Variants in LGSN observed in about 807,000 individuals in gnomAD.
LGSN encodes the protein lengsin, lens protein with glutamine synthetase domain.
A neutral mutation model predicts 19.5 loss-of-function variants in LGSN; 21 were observed. That is an observed-to-expected ratio of 1.07 (90% CI 0.76 to 1.55). The LOEUF (loss-of-function observed/expected upper bound fraction) is 1.55, where lower values mean the gene tolerates loss of function less well. Among genes scored for constraint, LGSN ranks in the 40% most tolerant of loss-of-function variants. The probability of loss-of-function intolerance (pLI) is 0.00; values close to 1 mark genes in which losing one functional copy is unlikely to be tolerated. For missense variants in LGSN, 673 were observed against 608.5 expected, an observed-to-expected ratio of 1.11 and a Z score of -1.12; for synonymous variants, 257 against 215.6, an observed-to-expected ratio of 1.19 and a Z score of -1.68.
At chr6:63,555,746 T>C in the LGSN span, among the ~76,000 whole-genome samples, 2 of 148,904 alleles carry the variant, frequency 1.3e-5, no homozygotes, top group African/African-American at 5.0e-5. Context: ...CAGCCTGGAG[T>C]GCAATGGCGT....
chr6:63,315,616 CTCTGTGTG>C (rs1161377411), intron 1 of LGSN, among the ~76,000 whole-genome samples: 26 of 114,680 alleles, frequency 2.3e-4, no homozygotes, highest in Non-Finnish European at 4.2e-4. Flanking sequence ...CTCTCTCTCT[CTCTGTGTG>C]TGTGTGTGTG....
the LGSN span, among the ~76,000 whole-genome samples, chr6:63,393,714 C>G: frequency 2.0e-5 from 3 of 152,280 alleles, no homozygotes; most frequent in East Asian, 5.8e-4. Context: ...CAGAAGTCCC[C>G]TCTCTCTCAA....
intron 1 of LGSN, among the ~76,000 whole-genome samples, chr6:63,301,266 G>C (rs1582038003): frequency 6.6e-6 from 1 of 152,010 alleles, no homozygotes; most frequent in African/African-American, 2.4e-5. Context: ...ACTTCAGCCT[G>C]GGTGACAGAA....
the LGSN span, among the ~76,000 whole-genome samples, chr6:63,522,862 CTTTTTTTTTTT>C: frequency 7.9e-6 from 1 of 126,432 alleles, no homozygotes; most frequent in Non-Finnish European, 1.7e-5. Flanking sequence ...GACTAAATCA[CTTTTTTTTTTT>C]TTTTTTTTTG....
the LGSN span, among the ~76,000 whole-genome samples, chr6:63,415,526 A>G: frequency 6.6e-6 from 1 of 152,148 alleles, no homozygotes; most frequent in Non-Finnish European, 1.5e-5. Context: ...TGACAAAACC[A>G]TCAAATCTTA....
At chr6:63,415,720 C>T in the LGSN span, among the ~76,000 whole-genome samples, 9 of 152,258 alleles carry the variant, frequency 5.9e-5, no homozygotes, top group East Asian at 7.7e-4. Context: ...ATAGCTAGAG[C>T]GACTTCCACT....
At chr6:63,507,575 G>C in the LGSN span, among the ~76,000 whole-genome samples, 1 of 152,072 alleles carries the variant, frequency 6.6e-6, no homozygotes, top group African/African-American at 2.4e-5. Context: ...TTAGAATCCA[G>C]TAAAATATCC....
At chr6:63,553,747 C>A in the LGSN span, among the ~76,000 whole-genome samples, 1 of 152,098 alleles carries the variant, frequency 6.6e-6, no homozygotes, top group East Asian at 1.9e-4. Context: ...TTAAAATTCA[C>A]TGAAGGATTG....
chr6:63,416,976 C>A, the LGSN span, among the ~76,000 whole-genome samples: 1 of 151,308 alleles, frequency 6.6e-6, no homozygotes, highest in African/African-American at 2.4e-5. Context: ...GAAAGTCGAA[C>A]TTACAGAAAA....
intron 1 of LGSN, among the ~76,000 whole-genome samples, chr6:63,317,886 G>C (rs1241589827): frequency 6.6e-6 from 1 of 152,134 alleles, no homozygotes; most frequent in African/African-American, 2.4e-5. Context: ...ATAAATATCT[G>C]CAGGGTGGGG....
the LGSN span, among the ~76,000 whole-genome samples, chr6:63,428,653 G>A: frequency 6.6e-6 from 1 of 152,090 alleles, no homozygotes; most frequent in Admixed American, 6.6e-5. Flanking sequence ...ACCCGACCAG[G>A]CATAATTCTT....
At chr6:63,480,551 C>G in the LGSN span, 1 of 152,574 alleles carries the variant, frequency 6.6e-6, no homozygotes. Flanking sequence ...CCCCTGTTGC[C>G]ATCTTTCATC....
the LGSN span, among the ~76,000 whole-genome samples, chr6:63,331,561 C>A: frequency 5.3e-5 from 8 of 152,104 alleles, no homozygotes; most frequent in Non-Finnish European, 7.4e-5. Flanking sequence ...TTTTGTTTCT[C>A]CCCCTGCCCA....
At chr6:63,560,759 C>T in the LGSN span, among the ~76,000 whole-genome samples, 22 of 152,132 alleles carry the variant, frequency 1.4e-4, no homozygotes, top group Admixed American at 5.2e-4. Flanking sequence ...CCTGTCAAAT[C>T]GCTGTAAAAG....
At chr6:63,307,374 T>C (rs776878512) in intron 1 of LGSN, among the ~76,000 whole-genome samples, 29 of 152,194 alleles carry the variant, frequency 1.9e-4, no homozygotes, top group Non-Finnish European at 3.8e-4. Context: ...ACACTCTTAA[T>C]GAACACTGTC....
chr6:63,317,105 T>C (rs1008874844), intron 1 of LGSN, among the ~76,000 whole-genome samples: 1 of 152,152 alleles, frequency 6.6e-6, no homozygotes, highest in Non-Finnish European at 1.5e-5. Context: ...AATTCTATCA[T>C]GTAAAGGAAA....
chr6:63,489,549 T>C, the LGSN span, among the ~76,000 whole-genome samples: 921 of 152,280 alleles, frequency 6.0e-3, 6 homozygotes, highest in South Asian at 0.025. Context: ...TTTGTATTTT[T>C]AGAAGAGATG....
At chr6:63,393,520 C>T in the LGSN span, among the ~76,000 whole-genome samples, 1 of 152,140 alleles carries the variant, frequency 6.6e-6, no homozygotes, top group African/African-American at 2.4e-5. Flanking sequence ...GACAAGATGG[C>T]GCTGGTTAAC....
the LGSN span, among the ~76,000 whole-genome samples, chr6:63,497,337 C>T: frequency 2.6e-3 from 390 of 152,042 alleles, 5 homozygotes; most frequent in African/African-American, 8.9e-3. Context: ...TCACCTGAGG[C>T]CAGGAGTTCG....
Sources: gnomAD v4.1 joint callset for allele counts (sites outside exome capture counted in the v4.1 genomes callset) on GRCh38, gnomAD v4.1.1 for gene constraint, MANE v1.5 for transcripts, NCBI Gene and HGNC (gene_info 2026-07-23, HGNC 2026-07-21) for gene names.